The following PARD3B variants were observed in gnomAD, a reference collection of about 807,000 sequenced individuals.
PARD3B encodes the protein par-3 family cell polarity regulator beta, also known as partitioning defective 3 homolog B.
Under a neutral mutation model 130.2 loss-of-function variants are expected in PARD3B, and 103 were observed. That is an observed-to-expected ratio of 0.79 (90% CI 0.67 to 0.93). The LOEUF (loss-of-function observed/expected upper bound fraction) is 0.93. PARD3B is among the 40% of genes least tolerant of loss of function. The pLI is 0.00. For missense variants in PARD3B, 1,609 were observed against 1,499.2 expected, an observed-to-expected ratio of 1.07 and a Z score of -1.21; for synonymous variants, 583 against 553.2, an observed-to-expected ratio of 1.05 and a Z score of -0.76.
chr2:205,543,576 C>T (rs2052259350), intron 21 of PARD3B, among the ~76,000 whole-genome samples: 1 of 152,150 alleles, frequency 6.6e-6, no homozygotes, highest in African/African-American at 2.4e-5. Context: ...GCAGCATTGT[C>T]GGGGGAGAAA....
intron 11 of PARD3B, among the ~76,000 whole-genome samples, chr2:205,161,815 C>G (rs1056872209): frequency 1.3e-5 from 2 of 152,188 alleles, no homozygotes; most frequent in African/African-American, 4.8e-5. Flanking sequence ...CTTCATACCA[C>G]TAATTAGTTC....
chr2:205,339,892 C>A (rs1318080416), intron 18 of PARD3B, among the ~76,000 whole-genome samples: 1 of 151,992 alleles, frequency 6.6e-6, no homozygotes, highest in African/African-American at 2.4e-5. Context: ...CAAGGCCTGT[C>A]CCTTGGAAGA....
intron 10 of PARD3B, among the ~76,000 whole-genome samples, chr2:205,127,170 G>C (rs2031525978): frequency 6.6e-6 from 1 of 151,648 alleles, no homozygotes; most frequent in Non-Finnish European, 1.5e-5. Context: ...GGTGGCATGT[G>C]CCTGTAGTCC....
intron 2 of PARD3B, among the ~76,000 whole-genome samples, chr2:204,778,442 C>A (rs1353167733): frequency 1.3e-5 from 2 of 152,076 alleles, no homozygotes; most frequent in South Asian, 2.1e-4. Context: ...AGACCCTAAC[C>A]AAGGCAGTGA....
At chr2:204,996,403 G>T (rs1206361059) in intron 3 of PARD3B, among the ~76,000 whole-genome samples, 1 of 152,134 alleles carries the variant, frequency 6.6e-6, no homozygotes, top group Non-Finnish European at 1.5e-5. Flanking sequence ...AGGGGTCAGG[G>T]GTCAGGGACC....
intron 20 of PARD3B, among the ~76,000 whole-genome samples, chr2:205,452,043 G>A (rs2048122126): frequency 6.6e-6 from 1 of 152,140 alleles, no homozygotes; most frequent in African/African-American, 2.4e-5. Flanking sequence ...GAAAAAGCAT[G>A]TGCTTTGGGA....
chr2:205,549,469 G>A (rs1405433287), intron 21 of PARD3B, among the ~76,000 whole-genome samples: 1 of 152,076 alleles, frequency 6.6e-6, no homozygotes, highest in East Asian at 1.9e-4. Context: ...AAAGAAATGA[G>A]CTATCAAGCC....
intron 4 of PARD3B, among the ~76,000 whole-genome samples, chr2:205,061,296 C>T (rs1700049979): frequency 6.6e-6 from 1 of 152,086 alleles, no homozygotes; most frequent in Non-Finnish European, 1.5e-5. Flanking sequence ...AAGTGTGAAC[C>T]ATGAGATGTG....
intron 3 of PARD3B, among the ~76,000 whole-genome samples, chr2:205,001,059 G>C (rs1001444359): frequency 6.6e-6 from 1 of 152,026 alleles, no homozygotes; most frequent in Non-Finnish European, 1.5e-5. Context: ...TGCTATCTTG[G>C]CTCACTGCAA....
At chr2:205,507,817 A>G (rs994892025) in intron 21 of PARD3B, among the ~76,000 whole-genome samples, 11 of 152,250 alleles carry the variant, frequency 7.2e-5, no homozygotes, top group African/African-American at 2.4e-4. Context: ...TAGATCTATT[A>G]TCAAACTTAA....
At chr2:205,056,538 C>G (rs997916000) in intron 4 of PARD3B, among the ~76,000 whole-genome samples, 2 of 151,578 alleles carry the variant, frequency 1.3e-5, no homozygotes, top group Non-Finnish European at 2.9e-5. Flanking sequence ...TTTGAAGTAA[C>G]TGGTGTGAAG....
chr2:204,752,500 C>G (rs1325594092), intron 2 of PARD3B, among the ~76,000 whole-genome samples: 1 of 152,088 alleles, frequency 6.6e-6, no homozygotes, highest in Non-Finnish European at 1.5e-5. Context: ...AATGTTGCCC[C>G]TTGTTAATTT....
At chr2:205,137,464 A>AT (rs1265757221) in intron 10 of PARD3B, among the ~76,000 whole-genome samples, 1 of 152,214 alleles carries the variant, frequency 6.6e-6, no homozygotes, top group Non-Finnish European at 1.5e-5. Flanking sequence ...ACAAGACCAC[A>AT]TTTTTTTAAA....
intron 2 of PARD3B, among the ~76,000 whole-genome samples, chr2:204,815,396 A>G (rs977849064): frequency 6.6e-6 from 1 of 151,666 alleles, no homozygotes; most frequent in African/African-American, 2.4e-5. Flanking sequence ...GTTATTGGTA[A>G]TTTTTGTCCG....
At chr2:205,197,703 T>A (rs2036771321) in intron 15 of PARD3B, among the ~76,000 whole-genome samples, 2 of 152,148 alleles carry the variant, frequency 1.3e-5, no homozygotes, top group Non-Finnish European at 2.9e-5. Flanking sequence ...GGGGTTAGGG[T>A]GTCACTTAAG....
At chr2:204,649,657 A>C (rs1211585772) in intron 1 of PARD3B, among the ~76,000 whole-genome samples, 2 of 152,196 alleles carry the variant, frequency 1.3e-5, no homozygotes, top group African/African-American at 4.8e-5. Context: ...AAAAACAAGC[A>C]ATGGGGAAAA....
At position 205,115,155 on chromosome 2, in the gene PARD3B, C is replaced by G. The variant is rs552194578; in HGVS notation, c.680+1578C>G. Among the ~76,000 whole-genome samples, 11 of 152,202 alleles carry G rather than the reference C, an allele frequency of 7.2e-5. No homozygotes were observed. In the South Asian group the frequency reaches 2.3e-3, roughly 32 times the overall value. ...TCAGTAGTTCAGAAAACAAGCTGAT[C>G]CTATAGATCAGAAATCACATTCTCT... On this transcript the variant is annotated intron_variant, in intron 6 of 22. Transcript: ENST00000406610.
intron 18 of PARD3B, among the ~76,000 whole-genome samples, chr2:205,369,032 T>G (rs1399923146): frequency 6.6e-6 from 1 of 152,182 alleles, no homozygotes; most frequent in Non-Finnish European, 1.5e-5. Context: ...GTTGTTAAGT[T>G]TGATGGGACC....
chr2:205,424,694 TC>T, intron 19 of PARD3B, among the ~76,000 whole-genome samples: 2 of 152,178 alleles, frequency 1.3e-5, no homozygotes, highest in South Asian at 4.1e-4. Context: ...TCCTGTTTCC[TC>T]TTCAGGAAGT....
Sources: gnomAD v4.1 joint callset for allele counts (sites outside exome capture counted in the v4.1 genomes callset) on GRCh38, gnomAD v4.1.1 for gene constraint, MANE v1.5 for transcripts, NCBI Gene and HGNC (gene_info 2026-07-23, HGNC 2026-07-21) for gene names.